Variants in FIBCD1 observed in about 807,000 individuals in gnomAD.
FIBCD1 encodes the protein fibrinogen C domain-containing protein 1.
In FIBCD1, 47 loss-of-function variants were observed where a neutral mutation model predicts 45.1. The ratio of observed to expected loss-of-function variants is 1.04; its 90% CI spans 0.82 to 1.33. The LOEUF (loss-of-function observed/expected upper bound fraction) is 1.33. Ranked by LOEUF, FIBCD1 falls within the 40% of genes most tolerant of loss-of-function variation. The pLI, the probability that FIBCD1 is intolerant of heterozygous loss-of-function variation, is 0.00. For synonymous variants in FIBCD1, 313 were observed against 308.1 expected, an observed-to-expected ratio of 1.02 and a Z score of -0.17; for missense variants, 653 against 682.2, an observed-to-expected ratio of 0.96 and a Z score of 0.48.
rs199643737 is a variant in FIBCD1, at chr9:130,911,848, C to T, written c.890G>A (p.Arg297Gln). The T allele has an allele frequency of 1.3e-4, 206 of 1,602,656 alleles. No individual in the cohort carries two copies. In the East Asian group the frequency reaches 2.2e-3, roughly 17 times the overall value. The change falls in exon 5 of 7, where the codon CGG becomes CAG. Residue 297 changes from arginine (R) to glutamine (Q), a missense_variant. Coordinates refer to ENST00000372338, the MANE Select transcript of FIBCD1 (RefSeq NM_032843.5). Reference protein sequence around the residue: ...RREDGSVNFFRGWDAYRDGFG... With the variant: ...RREDGSVNFFQGWDAYRDGFG... The stretch of plus-strand genomic sequence containing the variant: ...GCCGTCTCGGTACGCATCCCAGCCC[C>T]GGAAGAAGTTCACGGAGCCGTCCTC...
Position 130,929,695 on chromosome 9 carries a change from C to A in FIBCD1, c.424G>T (p.Asp142Tyr). ...CGGGCCAGCAGCCGGGGCAGCTGGT[C>A]GGCCAGCGTGTCCAGCAGCTCCTGC... ...QEQELLDTLA[D>Y]QLPRLLARAS... The change falls in exon 2 of 7, where the codon GAC becomes TAC. Residue 142 changes from aspartate (D) to tyrosine (Y), a missense_variant. Physicochemically the swap from Asp to Tyr is radical, Grantham distance 160. Transcript: ENST00000372338. 6.2e-7 allele frequency: 1 copy of A among 1,603,314 alleles called. No homozygotes were observed. Among genetic ancestry groups the A allele is most frequent in the Admixed American group, 1.7e-5 (1 of 59,256 alleles).
chr9:130,902,500 C>T lies in FIBCD1; in HGVS notation c.*1564G>A, dbSNP rs940669710. The stretch of plus-strand genomic sequence containing the variant: ...GAGCCAGGTCACACGGCCTCTCCCA[C>T]CAACCCCCAGTGGTGCCAAGTCAAA... On this transcript the variant is annotated 3_prime_UTR_variant, in exon 7 of 7. Transcript: ENST00000372338. 2 of 152,276 alleles carry T rather than the reference C, an allele frequency of 1.3e-5. No homozygotes were observed. Among genetic ancestry groups the T allele is most frequent in the Non-Finnish European group, 2.9e-5 (2 of 68,064 alleles). 9.4% of individuals were successfully genotyped at this position (152,276 alleles called of 1,614,324 possible).
Position 130,911,838 on chromosome 9 carries a change from A to G in FIBCD1, c.900T>C (p.Asp300=), listed in dbSNP as rs6597650. 697,444 of 1,600,952 alleles carry G rather than the reference A, an allele frequency of 0.44. 159,570 individuals carry two copies. The highest frequency in any genetic ancestry group is 0.78 in the African/African-American group (58,417 of 74,452). ...GCCTGCCAAAGCCGTCTCGGTACGC[A>G]TCCCAGCCCCGGAAGAAGTTCACGG... ...DGSVNFFRGW[D]AYRDGFGRLT... The change falls in exon 5 of 7, where the codon GAT becomes GAC. Residue 300 remains aspartate, a synonymous_variant. Coordinates refer to ENST00000372338, the MANE Select transcript of FIBCD1 (RefSeq NM_032843.5).
chr9:130,908,739 G>T (rs1831981040), intron 5 of FIBCD1, among the ~76,000 whole-genome samples: 2 of 152,196 alleles, frequency 1.3e-5, no homozygotes, highest in African/African-American at 4.8e-5. Flanking sequence ...TGGGTTGGGG[G>T]TCAGCACGGG....
At chr9:130,911,441 TC>T (rs1190877050) in intron 5 of FIBCD1, among the ~76,000 whole-genome samples, 1 of 152,168 alleles carries the variant, frequency 6.6e-6, no homozygotes, top group Non-Finnish European at 1.5e-5. Flanking sequence ...TCCTCCTCTG[TC>T]CTCCTGCTGC....
rs1652803097 is a variant in FIBCD1, at chr9:130,903,785, C to T, written c.*279G>A. On this transcript the variant is annotated 3_prime_UTR_variant, in exon 7 of 7. Coordinates refer to ENST00000372338, the MANE Select transcript of FIBCD1 (RefSeq NM_032843.5). ...GGGACGGCAAACAGCACCGGAGTCA[C>T]AGTGGGGGCAGGCAGGAGTTGGGGT... is the stretch of plus-strand genomic sequence containing the variant. 3.6e-6 allele frequency: 2 copies of T among 550,506 alleles called. No individual in the cohort carries two copies. Among genetic ancestry groups the T allele is most frequent in the Non-Finnish European group, 3.3e-6 (1 of 299,400 alleles). The allele number at this position is 550,506 out of a possible 1,614,324, so 34.1% of individuals were successfully genotyped here.
At chr9:130,923,705 G>A (rs757956758) in intron 4 of FIBCD1, 39 bp downstream of exon 4, 40 of 1,604,968 alleles carry the variant, frequency 2.5e-5, no homozygotes, top group Admixed American at 2.2e-4. Context: ...CACGGTCCCC[G>A]GTGCCTGCCC....
At chr9:130,933,650 A>T (rs993242143) in intron 1 of FIBCD1, among the ~76,000 whole-genome samples, 22 of 138,800 alleles carry the variant, frequency 1.6e-4, no homozygotes, top group African/African-American at 5.6e-4. Context: ...GTGGTGTCTC[A>T]GTTACAGGGT....
chr9:130,904,338 A>G lies in FIBCD1; in HGVS notation c.1127-15T>C. 1 of 1,595,030 alleles carries G rather than the reference A, an allele frequency of 6.3e-7. No homozygotes were observed. The highest frequency in any genetic ancestry group is 1.1e-5 in the South Asian group (1 of 89,232). ...GAGGGAGTCGCCTGCGCAGGGGTGC[A>G]CACAGGTGTGGGCACGGGGGGCACG... On this transcript the variant is annotated splice_polypyrimidine_tract_variant and intron_variant, in intron 6 of 6. Transcript: ENST00000372338.
upstream of FIBCD1, among the ~76,000 whole-genome samples, chr9:130,940,152 A>G (rs1832598084): frequency 6.6e-6 from 1 of 151,942 alleles, no homozygotes; most frequent in East Asian, 1.9e-4. Flanking sequence ...CGATCCCTCT[A>G]CGCGTCCGGC....
chr9:130,910,555 G>C (rs1044086775), intron 5 of FIBCD1, among the ~76,000 whole-genome samples: 1 of 152,270 alleles, frequency 6.6e-6, no homozygotes, highest in African/African-American at 2.4e-5. Flanking sequence ...GTCCCGGTGC[G>C]GGATCCACTA....
intron 6 of FIBCD1, among the ~76,000 whole-genome samples, chr9:130,904,865 T>TC (rs1263024408): frequency 2.0e-5 from 3 of 152,330 alleles, no homozygotes; most frequent in Admixed American, 2.0e-4. Flanking sequence ...AAGGGCATCA[T>TC]CAACACTATT....
chr9:130,916,951 A>G (rs924980022), intron 4 of FIBCD1, among the ~76,000 whole-genome samples: 2 of 152,168 alleles, frequency 1.3e-5, no homozygotes, highest in African/African-American at 4.8e-5. Context: ...TACAAAAATT[A>G]GCTGGGTGTG....
At chr9:130,911,993 C>A in intron 4 of FIBCD1, 105 bp from the exon 5 acceptor site, 1 of 1,084,708 alleles carries the variant, frequency 9.2e-7, no homozygotes, top group Non-Finnish European at 1.3e-6. Context: ...TGCTCCCAAC[C>A]TGCCCTCTCG....
At chr9:130,912,484 A>G (rs1278813175) in intron 4 of FIBCD1, among the ~76,000 whole-genome samples, 1 of 150,092 alleles carries the variant, frequency 6.7e-6, no homozygotes. Flanking sequence ...AGGTGGGTGG[A>G]TCACCTGAGG....
intron 5 of FIBCD1, among the ~76,000 whole-genome samples, chr9:130,907,965 T>G (rs1268288168): frequency 2.3e-5 from 2 of 86,158 alleles, no homozygotes; most frequent in African/African-American, 4.5e-5. Context: ...AAAAAAAAAA[T>G]AAAACTAGGA....
At chr9:130,930,936 G>A (rs1467888020) in intron 1 of FIBCD1, 6 of 421,882 alleles carry the variant, frequency 1.4e-5, no homozygotes, top group Middle Eastern at 5.1e-4. Flanking sequence ...CACCCATCAC[G>A]GAAGGTCCCT....
chr9:130,909,959 G>T (rs1335625135), intron 5 of FIBCD1, among the ~76,000 whole-genome samples: 1 of 152,244 alleles, frequency 6.6e-6, no homozygotes, highest in Non-Finnish European at 1.5e-5. Context: ...CAGCGTGCTG[G>T]CAGTCCTCAC....
intron 3 of FIBCD1, 106 bp downstream of exon 3, chr9:130,924,131 G>C: frequency 7.1e-7 from 1 of 1,398,846 alleles, no homozygotes; most frequent in South Asian, 1.5e-5. Flanking sequence ...ATGGAAGTAG[G>C]GTCGGGCCCT....
Sources: gnomAD v4.1 joint callset for allele counts (sites outside exome capture counted in the v4.1 genomes callset) on GRCh38, gnomAD v4.1.1 for gene constraint, MANE v1.5 for transcripts, NCBI Gene and HGNC (gene_info 2026-07-23, HGNC 2026-07-21) for gene names.